Variants in EVC observed in about 807,000 individuals in gnomAD.
EVC encodes the protein evC complex member EVC.
Under a neutral mutation model 118.9 loss-of-function variants are expected in EVC, and 116 were observed. The ratio of observed to expected loss-of-function variants is 0.98; its 90% CI spans 0.84 to 1.14. The LOEUF (loss-of-function observed/expected upper bound fraction) is 1.14, where lower values mean the gene tolerates loss of function less well. Ranked by LOEUF, EVC falls within the 50% of genes most tolerant of loss-of-function variation. The pLI is 0.00. For missense variants in EVC, 1,401 were observed against 1,246.4 expected, an observed-to-expected ratio of 1.12 and a Z score of -1.87; for synonymous variants, 619 against 534.7, an observed-to-expected ratio of 1.16 and a Z score of -2.18.
In EVC at chr4:5,719,291, C is replaced by T. The variant is rs1361442490; in HGVS notation, c.218C>T (p.Ala73Val). 22 of 1,614,008 alleles carry T rather than the reference C, an allele frequency of 1.4e-5. No individual in the cohort carries two copies. The highest frequency in any genetic ancestry group is 4.0e-5 in the African/African-American group (3 of 74,914). The change falls in exon 2 of 21, where the codon GCG (alanine) becomes GTG (valine). Residue 73 changes from alanine (A) to valine (V), a missense_variant. By Grantham distance (64) the Ala-to-Val change is moderately conservative. Coordinates refer to ENST00000264956, the MANE Select transcript of EVC (RefSeq NM_153717.3). This position sits in a 1 kb window ranked among gnomAD's most constrained non-coding sequence, Gnocchi z 4.7. ...CTGCTCAAGAATTTGGAGTCTAATG[C>T]GCAGACCCCCTCGGAAACTGGCTCC... ...QNLLKNLESN[A>V]QTPSETGSPS...
rs1009189726 is a variant in EVC, at chr4:5,756,020, C to A, written c.1465-244C>A. Among the ~76,000 whole-genome samples, 1 of 152,146 alleles carries A rather than the reference C, an allele frequency of 6.6e-6. No homozygotes were observed. ...TGACAGAAGTGGTCCAGTGGCCCCT[C>A]CTCATCCTGGCTTTAACAAAAGCGT... is the stretch of plus-strand genomic sequence containing the variant. On this transcript the variant is annotated intron_variant, in intron 10 of 20. Transcript: ENST00000264956. This position sits in a 1 kb window ranked among gnomAD's most constrained non-coding sequence, Gnocchi z 4.2.
intron 1 of EVC, among the ~76,000 whole-genome samples, chr4:5,717,441 C>T (rs943790999): frequency 6.6e-6 from 1 of 152,024 alleles, no homozygotes; most frequent in Admixed American, 6.6e-5. Context: ...TGGCTAGTGA[C>T]CCTCTAGACA....
chr4:5,762,060 C>A (rs1453486406), intron 11 of EVC, among the ~76,000 whole-genome samples: 1 of 69,934 alleles, frequency 1.4e-5, no homozygotes, highest in African/African-American at 5.9e-5. Context: ...CCCACCCCCA[C>A]CCCACATCAG....
intron 14 of EVC, 129 bp downstream of exon 14, chr4:5,797,361 G>A (rs753907207): frequency 2.2e-5 from 17 of 781,720 alleles, no homozygotes; most frequent in South Asian, 1.0e-4. Context: ...GTATTCATTC[G>A]CCGGGGCTGC....
At chr4:5,773,726 G>A (rs560293210) in intron 11 of EVC, among the ~76,000 whole-genome samples, 1 of 152,130 alleles carries the variant, frequency 6.6e-6, no homozygotes, top group Admixed American at 6.5e-5. Context: ...GCTTCTGGTG[G>A]ATGGCCCAGT....
chr4:5,719,044 G>A lies in EVC; in HGVS notation c.175-204G>A, dbSNP rs189295906. Among the ~76,000 whole-genome samples the A allele has an allele frequency of 3.3e-5, 5 of 152,274 alleles. No homozygotes were observed. The East Asian group carries it at 9.7e-4, about 29-fold the overall frequency. The stretch of plus-strand genomic sequence containing the variant: ...GGGGAACCGCTCAGGAAGGTGACCT[G>A]TGCAGTCTTGAAGGACATGTAGCGG... On this transcript the variant is annotated intron_variant, in intron 1 of 20. Transcript: ENST00000264956. The surrounding 1 kb of genome is among the most constrained non-coding windows in gnomAD (Gnocchi z 4.7).
At chr4:5,825,037 T>G in the EVC span, 1 of 985,072 alleles carries the variant, frequency 1.0e-6, no homozygotes, top group African/African-American at 1.7e-5. The surrounding 1 kb of genome is among the most constrained non-coding windows in gnomAD (Gnocchi z 4.4). Context: ...CTTTATGGAG[T>G]AGTGAGGATA....
At chr4:5,783,830 G>T (rs1460682589) in intron 12 of EVC, 66 bp downstream of exon 12, 6 of 1,436,904 alleles carry the variant, frequency 4.2e-6, no homozygotes, top group East Asian at 2.5e-5. Flanking sequence ...AAGCGTGAGA[G>T]ATCTCACGTC....
At chr4:5,767,969 T>C (rs1733222289) in intron 11 of EVC, among the ~76,000 whole-genome samples, 1 of 152,230 alleles carries the variant, frequency 6.6e-6, no homozygotes, top group African/African-American at 2.4e-5. Context: ...CTCAGTCTGC[T>C]AACCAGGCAT....
chr4:5,779,411 A>AAT (rs1735248704), intron 11 of EVC, among the ~76,000 whole-genome samples: 1 of 149,026 alleles, frequency 6.7e-6, no homozygotes, highest in African/African-American at 2.5e-5. Flanking sequence ...GATGGCATTG[A>AAT]ATCTATAAAT....
chr4:5,811,626 C>T lies in EVC; in HGVS notation c.*589C>T, dbSNP rs963441156. 8 of 167,182 alleles carry T rather than the reference C, an allele frequency of 4.8e-5. No homozygotes were observed. Among genetic ancestry groups the T allele is most frequent in the African/African-American group, 1.7e-4 (7 of 41,504 alleles). The allele number at this position is 167,182 out of a possible 1,614,324, so 10.4% of individuals were successfully genotyped here. A position where few individuals can be genotyped will look rare whatever the true frequency, so the allele number is the denominator to read the frequency against. ...ATCCAGAAACTTCCAGACCAGCCCT[C>T]TCACCACACCCAGAAGAGGCCTTTC... On this transcript the variant is annotated 3_prime_UTR_variant, in exon 21 of 21. Coordinates refer to ENST00000264956, the MANE Select transcript of EVC (RefSeq NM_153717.3).
intron 2 of EVC, among the ~76,000 whole-genome samples, chr4:5,721,322 G>A (rs976749683): frequency 1.3e-5 from 2 of 152,014 alleles, no homozygotes; most frequent in African/African-American, 4.8e-5. Flanking sequence ...AGGTTATTTG[G>A]CCATAAAATA....
chr4:5,752,756 C>T (rs1262099764), intron 8 of EVC, 80 bp from the exon 9 acceptor site: 1 of 1,438,356 alleles, frequency 7.0e-7, no homozygotes, highest in Middle Eastern at 1.8e-4. Flanking sequence ...ACCCTGGTGG[C>T]TTCTTCTCAG....
chr4:5,799,987 A>T (rs1023714178), intron 15 of EVC, among the ~76,000 whole-genome samples: 1 of 152,196 alleles, frequency 6.6e-6, no homozygotes, highest in Admixed American at 6.5e-5. Flanking sequence ...TCAGCTTTCC[A>T]GAGGGATTTT....
intron 2 of EVC, among the ~76,000 whole-genome samples, chr4:5,722,453 G>A (rs1305256476): frequency 6.6e-6 from 1 of 152,164 alleles, no homozygotes; most frequent in Non-Finnish European, 1.5e-5. Context: ...GTCAAAATAT[G>A]TGGTCAGGGC....
chr4:5,817,259 G>A (rs535703901), downstream of EVC, among the ~76,000 whole-genome samples: 26 of 152,308 alleles, frequency 1.7e-4, no homozygotes, highest in Admixed American at 2.0e-4. Context: ...TTCCTGCACC[G>A]TGTCGGGGCT....
chr4:5,779,452 A>G (rs1051918593), intron 11 of EVC, among the ~76,000 whole-genome samples: 1 of 150,052 alleles, frequency 6.7e-6, no homozygotes, highest in Admixed American at 6.6e-5. Flanking sequence ...TTTTCACGAT[A>G]TTGATTCTTC....
Position 5,745,287 on chromosome 4 carries a change from C to T in EVC, c.885C>T (p.Thr295=), listed in dbSNP as rs1481146042. ...MSGAGDSEYI[T]LADVEKKERE... ...GGGCTGGTGACTCTGAGTACATCACCCTGGCTGATGTGGAAAAGAAGGAGA... is the reference window on the plus strand; with the variant it reads ...GGGCTGGTGACTCTGAGTACATCACTCTGGCTGATGTGGAAAAGAAGGAGA... Residue 295 remains threonine (T), a synonymous_variant, in exon 7 of 21, where the codon ACC becomes ACT. Coordinates refer to ENST00000264956, the MANE Select transcript of EVC (RefSeq NM_153717.3). The T allele has an allele frequency of 1.2e-6, 2 of 1,613,914 alleles. No individual in the cohort carries two copies. Among genetic ancestry groups the T allele is most frequent in the Non-Finnish European group, 8.5e-7 (1 of 1,179,930 alleles).
rs1379771320 is a variant in EVC, at chr4:5,738,108, C to G, written c.703-3608C>G. On this transcript the variant is annotated intron_variant, in intron 5 of 20. Coordinates refer to ENST00000264956, the MANE Select transcript of EVC (RefSeq NM_153717.3). This position sits in a 1 kb window ranked among gnomAD's most constrained non-coding sequence, Gnocchi z 6.5. ...CCTCATGAATGACTTTGAGGGGATT[C>G]AGAACTTCAGTGGAGGAAGTCATTG... Among the ~76,000 whole-genome samples the G allele has an allele frequency of 6.6e-6, 1 of 152,088 alleles. No individual in the cohort carries two copies. The highest frequency in any genetic ancestry group is 2.4e-5 in the African/African-American group (1 of 41,416).
Sources: gnomAD v4.1 joint callset for allele counts (sites outside exome capture counted in the v4.1 genomes callset) on GRCh38, gnomAD v4.1.1 for gene constraint, Gnocchi (gnomAD v3.1) non-coding constraint, MANE v1.5 for transcripts, NCBI Gene and HGNC (gene_info 2026-07-23, HGNC 2026-07-21) for gene names.